SETD5: variants seen among roughly 807,000 people sequenced by gnomAD.
SETD5 encodes the protein histone-lysine N-methyltransferase SETD5.
In SETD5, 44 loss-of-function variants were observed where a neutral mutation model predicts 153.3. That is an observed-to-expected ratio of 0.29 (90% confidence interval 0.23 to 0.37). The LOEUF is 0.37. SETD5 is among the 10% of genes least tolerant of loss of function. The probability of loss-of-function intolerance (pLI) is 1.00; values close to 1 mark genes in which losing one functional copy is unlikely to be tolerated. For synonymous variants in SETD5, 716 were observed against 645.2 expected (o/e 1.11, Z -1.66); for missense variants, 1,544 against 1,768.0 (o/e 0.87, Z 2.27).
In SETD5 at chr3:9,476,283, T is replaced by C. The variant is rs1236386200; in HGVS notation, c.*192T>C. On this transcript the variant is annotated 3_prime_UTR_variant, in exon 23 of 23. Transcript: ENST00000402198. ...GCCTTGGAGAAAGCTGTAAATCTTG[T>C]CTGAAGCAGAGACTATAAAGAAGTT... 9.7e-6 allele frequency: 7 copies of C among 718,836 alleles called. No individual in the cohort carries two copies. In the Middle Eastern group the frequency reaches 2.0e-3, roughly 206 times the overall value. The allele number at this position is 718,836 out of a possible 1,614,324, so 44.5% of individuals were successfully genotyped here.
chr3:9,472,316 T>C (rs1305819944), intron 19 of SETD5, among the ~76,000 whole-genome samples: 3 of 152,280 alleles, frequency 2.0e-5, no homozygotes, highest in African/African-American at 7.2e-5. Flanking sequence ...TATAGTTTAG[T>C]CAGGGAGCAA....
chr3:9,468,720 G>A, intron 18 of SETD5: 1 of 537,658 alleles, frequency 1.9e-6, no homozygotes, highest in South Asian at 1.7e-5. Context: ...TAAGTTGAAT[G>A]AGTCTTCCTG....
intron 19 of SETD5, 45 bp from the exon 20 acceptor site, chr3:9,473,191 C>G: frequency 6.3e-7 from 1 of 1,577,972 alleles, no homozygotes; most frequent in Non-Finnish European, 8.6e-7. Context: ...CTAATGATAT[C>G]CAGATAGAGT....
intron 1 of SETD5, among the ~76,000 whole-genome samples, chr3:9,408,206 T>C (rs1321883358): frequency 6.6e-6 from 1 of 152,204 alleles, no homozygotes; most frequent in Non-Finnish European, 1.5e-5. Context: ...ACCTAGTTTT[T>C]CTTGATAGAG....
At position 9,470,465 on chromosome 3, in the gene SETD5, C is replaced by T; in HGVS notation, c.2731C>T (p.His911Tyr). Reference sequence around the variant, plus strand: ...TTGATTTTTATTCTTTCAGCTTTGTCACCGAAAAGACCTGGATTTGGCAAA... The same window carrying T: ...TTGATTTTTATTCTTTCAGCTTTGTTACCGAAAAGACCTGGATTTGGCAAA... ...CNTPLQFELCHRKDLDLAKVG... is the reference protein window; with the variant it reads ...CNTPLQFELCYRKDLDLAKVG... The change falls in exon 19 of 23, where the codon CAC (histidine) becomes TAC (tyrosine). Residue 911 changes from histidine (H) to tyrosine (Y), a missense_variant. Coordinates refer to ENST00000402198, the MANE Select transcript of SETD5 (RefSeq NM_001080517.3). 3 of 1,607,316 alleles carry T rather than the reference C, an allele frequency of 1.9e-6. No homozygotes were observed. The highest frequency in any genetic ancestry group is 2.6e-6 in the Non-Finnish European group (3 of 1,175,130).
intron 18 of SETD5, among the ~76,000 whole-genome samples, chr3:9,467,199 C>CAAAAAAAAAAAAAAAAAAAAAAAA (rs35894304): frequency 4.9e-5 from 2 of 40,860 alleles, no homozygotes; most frequent in Non-Finnish European, 1.1e-4. Context: ...GACTCTCTCT[C>CAAAAAAAAAAAAAAAAAAAAAAAA]AAAAAAAAAA....
chr3:9,428,981 T>C lies in SETD5; in HGVS notation c.43T>C (p.Ser15Pro). The C allele has an allele frequency of 6.2e-7, 1 of 1,613,264 alleles. No homozygotes were observed. The highest frequency in any genetic ancestry group is 1.1e-5 in the South Asian group (1 of 90,946). ...IPLGVTTSDTSYSDMAAGSDP... is the reference protein window; with the variant it reads ...IPLGVTTSDTPYSDMAAGSDP... ...TCTGGGAGTCACCACATCAGATACA[T>C]CCTACTCAGATATGGCTGCTGGATC... The change falls in exon 3 of 23, where the codon TCC becomes CCC. Residue 15 changes from serine (S) to proline (P), a missense_variant. By Grantham distance (74) the Ser-to-Pro change is moderately conservative. Coordinates refer to ENST00000402198, the MANE Select transcript of SETD5 (RefSeq NM_001080517.3).
intron 3 of SETD5, among the ~76,000 whole-genome samples, chr3:9,433,219 C>A (rs894444659): frequency 2.0e-5 from 3 of 152,146 alleles, no homozygotes; most frequent in Non-Finnish European, 4.4e-5. Context: ...TATTATCATG[C>A]AGCTGATAAA....
intron 1 of SETD5, among the ~76,000 whole-genome samples, chr3:9,418,927 A>G (rs1318171480): frequency 6.6e-6 from 1 of 152,024 alleles, no homozygotes; most frequent in African/African-American, 2.4e-5. Flanking sequence ...CCTGGATTCA[A>G]GCGATTCTCC....
chr3:9,442,041 T>G, intron 9 of SETD5, 87 bp from the exon 10 acceptor site: 3 of 891,722 alleles, frequency 3.4e-6, no homozygotes, highest in Admixed American at 2.1e-5. Flanking sequence ...TGCTGCTGCT[T>G]CTCTCAGCAT....
intron 1 of SETD5, among the ~76,000 whole-genome samples, chr3:9,417,072 A>G (rs575866116): frequency 1.8e-4 from 28 of 152,310 alleles, no homozygotes; most frequent in African/African-American, 6.0e-4. Flanking sequence ...GACTAGCCCA[A>G]TAAGCATTAA....
At chr3:9,462,601 A>G (rs1036235772) in intron 17 of SETD5, among the ~76,000 whole-genome samples, 6 of 149,974 alleles carry the variant, frequency 4.0e-5, no homozygotes, top group Non-Finnish European at 8.9e-5. Flanking sequence ...AAAAAAAAAA[A>G]GAAAAAAAGA....
chr3:9,455,787 G>T (rs2043162828), intron 17 of SETD5, among the ~76,000 whole-genome samples: 1 of 152,136 alleles, frequency 6.6e-6, no homozygotes, highest in Non-Finnish European at 1.5e-5. Context: ...TTCACATCCT[G>T]ACTAGCAAAG....
At chr3:9,430,565 C>T (rs2039839592) in intron 3 of SETD5, 1 of 197,100 alleles carries the variant, frequency 5.1e-6, no homozygotes, top group African/African-American at 2.4e-5. Flanking sequence ...AGTAGGTAGC[C>T]AGTTTGTATT....
intron 20 of SETD5, among the ~76,000 whole-genome samples, chr3:9,473,962 G>T (rs746413545): frequency 6.6e-6 from 1 of 152,198 alleles, no homozygotes; most frequent in Admixed American, 6.5e-5. Context: ...GTCTGGTTTA[G>T]GGGAGACCAC....
Position 9,477,547 on chromosome 3 carries a change from A to T in SETD5, c.*1456A>T. ...TCTAATTTGTTTTCCTTTTTTCCCCAGCCTCTTGCATCCCCTTCTTTTCTA... is the reference window on the plus strand; with the variant it reads ...TCTAATTTGTTTTCCTTTTTTCCCCTGCCTCTTGCATCCCCTTCTTTTCTA... On this transcript the variant is annotated 3_prime_UTR_variant, in exon 23 of 23. Coordinates refer to ENST00000402198, the MANE Select transcript of SETD5 (RefSeq NM_001080517.3). 6.6e-6 allele frequency: 1 copy of T among 152,368 alleles called. No individual in the cohort carries two copies. The allele number at this position is 152,368 out of a possible 1,614,324, so 9.4% of individuals were successfully genotyped here.
rs2033938685 is a variant in SETD5 at position 9,397,916 on chromosome 3, C to T, written c.-238C>T. 6.6e-6 allele frequency: 1 copy of T among 152,278 alleles called. No individual in the cohort carries two copies. The highest frequency in any genetic ancestry group is 1.5e-5 in the Non-Finnish European group (1 of 68,332). The allele number at this position is 152,278 out of a possible 1,614,324, so 9.4% of individuals were successfully genotyped here. On this transcript the variant is annotated 5_prime_UTR_variant, in exon 1 of 23. Transcript: ENST00000402198. ...GCGTTGGGCCTAACTCGAGTCCTGC[C>T]GCCTCCCGGGAGTGCCGTGCGCCGC...
chr3:9,421,135 G>A (rs1008674557), intron 1 of SETD5, among the ~76,000 whole-genome samples: 5 of 151,884 alleles, frequency 3.3e-5, no homozygotes, highest in Non-Finnish European at 1.5e-5. Flanking sequence ...CTAGTTGGCA[G>A]CAGTGCCAGG....
chr3:9,404,018 T>C (rs962525185), intron 1 of SETD5, among the ~76,000 whole-genome samples: 52 of 152,346 alleles, frequency 3.4e-4, no homozygotes, highest in African/African-American at 1.0e-3. Context: ...TATGACAAGG[T>C]TTTTCAAAAT....
Sources: allele counts gnomAD v4.1 joint callset (sites outside exome capture counted in the v4.1 genomes callset), GRCh38; gene constraint gnomAD v4.1.1; transcripts MANE v1.5; gene names NCBI Gene and HGNC (gene_info 2026-07-23, HGNC 2026-07-21).